The following CADPS2 variants were observed in gnomAD, a reference collection of about 807,000 sequenced individuals.
CADPS2 encodes the protein calcium dependent secretion activator 2, also known as calcium-dependent secretion activator 2.
In CADPS2, 93 loss-of-function variants were observed where a neutral mutation model predicts 172.5. The ratio of observed to expected loss-of-function variants is 0.54; its 90% confidence interval spans 0.46 to 0.64. CADPS2 has a LOEUF of 0.64. CADPS2 is among the 30% of genes least tolerant of loss of function. The pLI, the probability that CADPS2 is intolerant of heterozygous loss-of-function variation, is 0.00. For synonymous variants in CADPS2, 546 were observed against 555.2 expected, an observed-to-expected ratio of 0.98 and a Z score of 0.23; for missense variants, 1,420 against 1,565.9, an observed-to-expected ratio of 0.91 and a Z score of 1.57.
intron 8 of CADPS2, among the ~76,000 whole-genome samples, chr7:122,526,058 C>T (rs532291687): frequency 6.6e-6 from 1 of 152,260 alleles, no homozygotes; most frequent in African/African-American, 2.4e-5. Context: ...CACAGCTTTG[C>T]TCTTGTTCTT....
At chr7:122,441,690 A>C in intron 15 of CADPS2, 115 bp from the exon 16 acceptor site, 1 of 612,718 alleles carries the variant, frequency 1.6e-6, no homozygotes, top group East Asian at 3.0e-5. Context: ...AACAGAAAAT[A>C]TTATAGCATG....
intron 7 of CADPS2, among the ~76,000 whole-genome samples, chr7:122,565,901 A>C (rs1411211081): frequency 6.6e-6 from 1 of 152,124 alleles, no homozygotes; most frequent in African/African-American, 2.4e-5. Context: ...TCTTAACGAA[A>C]ACTTTGTAGC....
At chr7:122,419,353 C>G (rs1399294708) in intron 17 of CADPS2, among the ~76,000 whole-genome samples, 1 of 152,166 alleles carries the variant, frequency 6.6e-6, no homozygotes, top group Non-Finnish European at 1.5e-5. Context: ...AAATAACTGA[C>G]AAATGTTTAG....
chr7:122,494,659 A>G (rs2058589677), intron 9 of CADPS2, among the ~76,000 whole-genome samples: 2 of 151,898 alleles, frequency 1.3e-5, no homozygotes, highest in Non-Finnish European at 1.5e-5. Context: ...AAAAGAATAT[A>G]CATTATTTTA....
intron 11 of CADPS2, among the ~76,000 whole-genome samples, chr7:122,482,316 T>C (rs997851800): frequency 2.0e-5 from 3 of 152,094 alleles, no homozygotes; most frequent in Non-Finnish European, 4.4e-5. Flanking sequence ...TCCAGAGATA[T>C]TTTTGGTTGT....
At chr7:122,337,764 A>AC (rs2036097571) in intron 28 of CADPS2, among the ~76,000 whole-genome samples, 1 of 151,828 alleles carries the variant, frequency 6.6e-6, no homozygotes, top group African/African-American at 2.4e-5. Context: ...TAAGGAAAAA[A>AC]AAAAAAAAAA....
At chr7:122,855,531 G>A (rs993023368) in intron 1 of CADPS2, among the ~76,000 whole-genome samples, 1 of 152,144 alleles carries the variant, frequency 6.6e-6, no homozygotes, top group Non-Finnish European at 1.5e-5. Flanking sequence ...AGGATGGTAG[G>A]ATGTCATGGG....
intron 1 of CADPS2, among the ~76,000 whole-genome samples, chr7:122,863,920 C>T (rs1473202086): frequency 1.3e-5 from 2 of 152,118 alleles, no homozygotes; most frequent in African/African-American, 4.8e-5. Context: ...ATCCTAGCTA[C>T]TCGGGAGGCT....
intron 8 of CADPS2, among the ~76,000 whole-genome samples, chr7:122,523,204 T>TCC (rs1460589568): frequency 6.6e-6 from 1 of 152,160 alleles, no homozygotes; most frequent in Non-Finnish European, 1.5e-5. Flanking sequence ...ATATAAGAGT[T>TCC]CCCATTCTCC....
chr7:122,479,830 T>C (rs1488557907), intron 12 of CADPS2, among the ~76,000 whole-genome samples: 1 of 152,200 alleles, frequency 6.6e-6, no homozygotes, highest in Non-Finnish European at 1.5e-5. Context: ...CAAAATTAAA[T>C]GTTAGTTTAT....
chr7:122,326,069 C>T (rs551119316), intron 28 of CADPS2, among the ~76,000 whole-genome samples: 1 of 126,364 alleles, frequency 7.9e-6, no homozygotes, highest in Admixed American at 7.9e-5. Flanking sequence ...TTTAAAGTAG[C>T]GATGGCAAAA....
chr7:122,840,364 C>T (rs1323791759), intron 1 of CADPS2, among the ~76,000 whole-genome samples: 1 of 151,732 alleles, frequency 6.6e-6, no homozygotes. Flanking sequence ...ACCAACATGG[C>T]ACATGTATAC....
At position 122,393,331 on chromosome 7, in the gene CADPS2, C is replaced by T. The variant is rs1415577123; in HGVS notation, c.2889-16G>A. On this transcript the variant is annotated splice_polypyrimidine_tract_variant and intron_variant, in intron 21 of 29. Transcript: ENST00000449022. ...GGCGATATTCCTGTAAAGAAACAAA[C>T]AACGTGGGAAGGGACCACCATAAGC... is the stretch of plus-strand genomic sequence containing the variant. 6.2e-7 allele frequency: 1 copy of T among 1,613,698 alleles called. No individual in the cohort carries two copies. Among genetic ancestry groups the T allele is most frequent in the Admixed American group, 1.7e-5 (1 of 59,990 alleles).
chr7:122,844,645 T>C (rs1013385130), intron 1 of CADPS2, among the ~76,000 whole-genome samples: 3 of 152,188 alleles, frequency 2.0e-5, no homozygotes, highest in African/African-American at 7.2e-5. Flanking sequence ...TAAAAATACA[T>C]CTATAGTAAT....
In CADPS2 at chr7:122,886,410, C is replaced by A. The variant is rs1824399676; in HGVS notation, c.-73G>T. On this transcript the variant is annotated 5_prime_UTR_variant, in exon 1 of 30. Coordinates refer to ENST00000449022, the MANE Select transcript of CADPS2 (RefSeq NM_017954.11). ...ACCCCCGGCGGCTGCGCCCGCGGGTCTGAGGGAGCCGCGGGGCTGGCTGCA... is the reference window on the plus strand; with the variant it reads ...ACCCCCGGCGGCTGCGCCCGCGGGTATGAGGGAGCCGCGGGGCTGGCTGCA... 2.8e-6 allele frequency: 4 copies of A among 1,430,978 alleles called. No homozygotes were observed. The South Asian group carries it at 5.7e-5, about 20-fold the overall frequency. 88.6% of individuals were successfully genotyped at this position (1,430,978 alleles called of 1,614,324 possible).
rs115027570 is a variant in CADPS2, at chr7:122,584,738, A to G, written c.1224-3448T>C. On this transcript the variant is annotated intron_variant, in intron 6 of 29. Transcript: ENST00000449022. ...AACTACAGCACCCCATAAATTTAGA[A>G]AGTGCTATTTTTACTATCATTCAGC... 4.7e-3 allele frequency among the ~76,000 whole-genome samples: 708 copies of G among 152,136 alleles called. 7 individuals are homozygous for G. Among genetic ancestry groups the G allele is most frequent in the African/African-American group, 0.016 (674 of 41,548 alleles).
At chr7:122,376,223 G>A (rs1397774980) in intron 25 of CADPS2, among the ~76,000 whole-genome samples, 1 of 152,116 alleles carries the variant, frequency 6.6e-6, no homozygotes, top group African/African-American at 2.4e-5. Flanking sequence ...TCCCATTAAT[G>A]GGTATATAGC....
At chr7:122,351,596 CAT>C (rs1452431668) in intron 27 of CADPS2, among the ~76,000 whole-genome samples, 1 of 151,840 alleles carries the variant, frequency 6.6e-6, no homozygotes, top group Non-Finnish European at 1.5e-5. Flanking sequence ...GAGCATGTAA[CAT>C]GTGTTTTAAG....
chr7:122,827,544 A>C (rs1015926749), intron 1 of CADPS2, among the ~76,000 whole-genome samples: 2 of 151,746 alleles, frequency 1.3e-5, no homozygotes, highest in Non-Finnish European at 1.5e-5. Flanking sequence ...AGGCAGGAGA[A>C]TCGTTTGAAC....
Sources: gnomAD v4.1 joint callset for allele counts (sites outside exome capture counted in the v4.1 genomes callset) on GRCh38, gnomAD v4.1.1 for gene constraint, MANE v1.5 for transcripts, NCBI Gene and HGNC (gene_info 2026-07-23, HGNC 2026-07-21) for gene names.